AMPH: variants seen among roughly 807,000 people sequenced by gnomAD.
AMPH encodes the protein amphiphysin.
A neutral mutation model predicts 99.1 loss-of-function variants in AMPH; 49 were observed. The ratio of observed to expected loss-of-function variants is 0.49; its 90% CI spans 0.39 to 0.63. The LOEUF is 0.63. AMPH is among the 20% of genes least tolerant of loss of function. AMPH has a pLI of 0.00. For missense variants in AMPH, 759 were observed against 863.4 expected (o/e 0.88, Z 1.52); for synonymous variants, 314 against 317.3 (o/e 0.99, Z 0.11).
chr7:38,612,257 G>T (rs527828214), intron 1 of AMPH, among the ~76,000 whole-genome samples: 4 of 152,026 alleles, frequency 2.6e-5, no homozygotes, highest in African/African-American at 9.6e-5. Context: ...TGTATTTTTA[G>T]TACAGACGGG....
intron 3 of AMPH, among the ~76,000 whole-genome samples, chr7:38,498,330 C>T (rs1361579577): frequency 6.6e-6 from 1 of 152,166 alleles, no homozygotes; most frequent in South Asian, 2.1e-4. Flanking sequence ...AAGTAGTTGG[C>T]ACAAGCAAAT....
At chr7:38,468,722 C>A (rs1386529089) in intron 7 of AMPH, among the ~76,000 whole-genome samples, 3 of 152,106 alleles carry the variant, frequency 2.0e-5, no homozygotes, top group African/African-American at 7.2e-5. Flanking sequence ...GCACCTAGTA[C>A]ACGGCAAGCA....
chr7:38,535,130 G>T, intron 1 of AMPH, 119 bp from the exon 2 acceptor site: 2 of 791,332 alleles, frequency 2.5e-6, no homozygotes, highest in Non-Finnish European at 4.1e-6. Flanking sequence ...AAAACTATCA[G>T]CACTTCTAAT....
chr7:38,607,908 C>G (rs2129064036), intron 1 of AMPH, among the ~76,000 whole-genome samples: 1 of 152,250 alleles, frequency 6.6e-6, no homozygotes, highest in Admixed American at 6.5e-5. Context: ...TTTTAGCTTC[C>G]CCCTTGGAGA....
intron 17 of AMPH, among the ~76,000 whole-genome samples, chr7:38,407,663 A>G (rs901710035): frequency 6.6e-6 from 1 of 152,306 alleles, no homozygotes; most frequent in Non-Finnish European, 1.5e-5. Context: ...ATATACACTA[A>G]GGTAAATTAT....
Position 38,555,034 on chromosome 7 carries a change from T to C in AMPH, c.70-20023A>G, listed in dbSNP as rs140367951. ...AAGTTGCCTGTTTTGACCTGGCTAT[T>C]GGGGGAAGTGGAAAGAAACCCTTTC... is the stretch of plus-strand genomic sequence containing the variant. On this transcript the variant is annotated intron_variant, in intron 1 of 20. Transcript: ENST00000356264. Among the ~76,000 whole-genome samples, 267 of 152,236 alleles carry C rather than the reference T, an allele frequency of 1.8e-3. 2 individuals are homozygous for C. Among genetic ancestry groups the C allele is most frequent in the Non-Finnish European group, 2.6e-3 (175 of 67,994 alleles).
rs188722609 is a variant in AMPH, at chr7:38,385,474, T to C, written c.1981-549A>G. On this transcript the variant is annotated intron_variant, in intron 20 of 20. Transcript: ENST00000356264. ...CCCAGCTCATATCCTATAACCCCAA[T>C]AAACTACCTATGTAGATGTAGGGCT... 6.6e-5 allele frequency among the ~76,000 whole-genome samples: 10 copies of C among 152,326 alleles called. No homozygotes were observed. The East Asian group carries it at 1.9e-3, about 29-fold the overall frequency.
intron 3 of AMPH, among the ~76,000 whole-genome samples, chr7:38,495,132 A>G (rs1353502620): frequency 1.3e-5 from 2 of 152,194 alleles, no homozygotes; most frequent in African/African-American, 4.8e-5. Context: ...AATGTCATCT[A>G]TAGGTTCTTG....
At chr7:38,567,508 C>G (rs994389725) in intron 1 of AMPH, among the ~76,000 whole-genome samples, 1 of 152,088 alleles carries the variant, frequency 6.6e-6, no homozygotes, top group Non-Finnish European at 1.5e-5. Context: ...ACACATTGTG[C>G]ACATGTACCC....
At chr7:38,565,547 A>G (rs1020188608) in intron 1 of AMPH, among the ~76,000 whole-genome samples, 5 of 152,204 alleles carry the variant, frequency 3.3e-5, no homozygotes, top group Admixed American at 3.3e-4. Flanking sequence ...TCTTTTTATA[A>G]GGACACTAAT....
At chr7:38,468,684 C>T (rs565098664) in intron 7 of AMPH, among the ~76,000 whole-genome samples, 1 of 152,242 alleles carries the variant, frequency 6.6e-6, no homozygotes, top group Non-Finnish European at 1.5e-5. Flanking sequence ...AGGGGAATGC[C>T]TTTAACTAGT....
intron 6 of AMPH, 113 bp from the exon 7 acceptor site, chr7:38,475,529 A>G: frequency 1.5e-6 from 1 of 685,808 alleles, no homozygotes; most frequent in South Asian, 2.0e-5. Context: ...ATATTTTGAG[A>G]AGGAGAGTAT....
intron 1 of AMPH, among the ~76,000 whole-genome samples, chr7:38,570,951 A>T (rs1321592551): frequency 1.9e-5 from 2 of 104,256 alleles, no homozygotes; most frequent in Non-Finnish European, 1.9e-5. Flanking sequence ...ATATTTATAT[A>T]TATAGAATAT....
chr7:38,468,059 C>G (rs562811458), intron 7 of AMPH, among the ~76,000 whole-genome samples: 30 of 152,232 alleles, frequency 2.0e-4, no homozygotes, highest in Non-Finnish European at 3.5e-4. Context: ...TTCCTTAGGA[C>G]AGATTTCTTG....
intron 11 of AMPH, among the ~76,000 whole-genome samples, chr7:38,441,648 C>T (rs754893936): frequency 2.6e-5 from 4 of 151,106 alleles, no homozygotes; most frequent in South Asian, 2.1e-4. Flanking sequence ...TGCATTTGTG[C>T]GTTTGTCGCA....
intron 1 of AMPH, among the ~76,000 whole-genome samples, chr7:38,614,473 A>G (rs1793800734): frequency 6.6e-6 from 1 of 152,210 alleles, no homozygotes. Context: ...CAGATATAGA[A>G]CACGCATGAG....
At chr7:38,506,347 A>G (rs552701471) in intron 2 of AMPH, among the ~76,000 whole-genome samples, 75 of 152,350 alleles carry the variant, frequency 4.9e-4, no homozygotes, top group African/African-American at 1.8e-3. Context: ...GCATTTACAG[A>G]AACATTTCAG....
chr7:38,547,187 C>T (rs78700927), intron 1 of AMPH, among the ~76,000 whole-genome samples: 12,633 of 152,180 alleles, frequency 0.083, 720 homozygotes, highest in Middle Eastern at 0.19. Flanking sequence ...AAAATGTCCC[C>T]AGCAGCCTCC....
chr7:38,611,400 T>G (rs1188978586), intron 1 of AMPH, among the ~76,000 whole-genome samples: 2 of 152,232 alleles, frequency 1.3e-5, no homozygotes, highest in East Asian at 3.8e-4. Flanking sequence ...CACTGTACCC[T>G]ATAGTTAACA....
Sources: allele counts gnomAD v4.1 joint callset (sites outside exome capture counted in the v4.1 genomes callset), GRCh38; gene constraint gnomAD v4.1.1; transcripts MANE v1.5; gene names NCBI Gene and HGNC (gene_info 2026-07-23, HGNC 2026-07-21).